NRXN1: variants seen among roughly 807,000 people sequenced by gnomAD.
NRXN1 encodes the protein neurexin 1, also known as neurexin-1.
Under a neutral mutation model 150.9 loss-of-function variants are expected in NRXN1, and 39 were observed. The ratio of observed to expected loss-of-function variants is 0.26; its 90% CI spans 0.20 to 0.34. The LOEUF is 0.34. Among genes scored for constraint, NRXN1 ranks in the 10% least tolerant of loss-of-function variants. The pLI, the probability that NRXN1 is intolerant of heterozygous loss-of-function variation, is 1.00. For synonymous variants in NRXN1, 924 were observed against 757.0 expected, an observed-to-expected ratio of 1.22 and a Z score of -3.62; for missense variants, 1,815 against 1,949.9, an observed-to-expected ratio of 0.93 and a Z score of 1.30.
chr2:50,140,740 G>T (rs908564716), intron 18 of NRXN1, among the ~76,000 whole-genome samples: 2 of 151,526 alleles, frequency 1.3e-5, no homozygotes, highest in African/African-American at 4.8e-5. Flanking sequence ...TTGGCAACCA[G>T]TTTCGAATAT....
At chr2:49,963,554 G>T (rs562363941) in intron 21 of NRXN1, among the ~76,000 whole-genome samples, 182 of 152,244 alleles carry the variant, frequency 1.2e-3, no homozygotes, top group Non-Finnish European at 2.1e-3. Context: ...AATGAATCAC[G>T]CAATGAGATG....
chr2:50,407,951 T>G (rs1007129900), intron 17 of NRXN1, among the ~76,000 whole-genome samples: 6 of 152,216 alleles, frequency 3.9e-5, no homozygotes, highest in Non-Finnish European at 8.8e-5. Context: ...ACTCATACTA[T>G]TTTAACATCT....
At chr2:50,700,126 C>T (rs1693525805) in intron 5 of NRXN1, among the ~76,000 whole-genome samples, 1 of 152,118 alleles carries the variant, frequency 6.6e-6, no homozygotes, top group Non-Finnish European at 1.5e-5. Context: ...GCAAGGTTTC[C>T]GTATGACACT....
intron 21 of NRXN1, among the ~76,000 whole-genome samples, chr2:49,947,428 C>T (rs1017792984): frequency 1.3e-5 from 2 of 151,598 alleles, no homozygotes; most frequent in African/African-American, 4.8e-5. Flanking sequence ...AGGTCTGCTA[C>T]TATCATTGTC....
At chr2:51,026,611 T>A (rs1670514885) in intron 2 of NRXN1, 1 of 642,228 alleles carries the variant, frequency 1.6e-6, no homozygotes, top group Admixed American at 2.9e-5. Context: ...AGAAAATCTC[T>A]TGCAATCCCT....
intron 17 of NRXN1, among the ~76,000 whole-genome samples, chr2:50,314,455 CAA>C (rs951844731): frequency 2.0e-4 from 31 of 152,062 alleles, no homozygotes; most frequent in African/African-American, 6.5e-4. Flanking sequence ...ACAATTAAAA[CAA>C]AGAGTTTCCT....
Position 50,332,163 on chromosome 2 carries a change from G to A in NRXN1, c.3365-95193C>T, listed in dbSNP as rs547203207. On this transcript the variant is annotated intron_variant, in intron 17 of 22. Transcript: ENST00000401669. ...CACAGGCAATGGAAGGAATATTTAG[G>A]TGTTGCAGGCAATTTATTATAGCTT... Among the ~76,000 whole-genome samples, 5 of 152,260 alleles carry A rather than the reference G, an allele frequency of 3.3e-5. No homozygotes were observed. In the East Asian group the frequency reaches 7.7e-4, roughly 24 times the overall value.
Position 50,016,607 on chromosome 2 carries a change from G to C in NRXN1, c.4128+36664C>G, listed in dbSNP as rs1477006050. ...GAAGAGAGAAATTAGTGCCCGCAGG[G>C]GAAATGCCAGATGCTTATAAAACCA... On this transcript the variant is annotated intron_variant, in intron 21 of 22. Transcript: ENST00000401669. The C allele has an allele frequency of 3.9e-5, 6 of 152,006 alleles. No homozygotes were observed. In the South Asian group the frequency reaches 6.2e-4, roughly 16 times the overall value. The allele number at this position is 152,006 out of a possible 1,614,324, so 9.4% of individuals were successfully genotyped here. A position where few individuals can be genotyped will look rare whatever the true frequency, so the allele number is the denominator to read the frequency against.
chr2:50,568,109 C>A (rs1009731713), intron 8 of NRXN1, among the ~76,000 whole-genome samples: 1 of 152,004 alleles, frequency 6.6e-6, no homozygotes, highest in Non-Finnish European at 1.5e-5. Flanking sequence ...AGAAACAAAC[C>A]AAGCCTCTCA....
chr2:50,819,950 C>T (rs1218937441), intron 5 of NRXN1, among the ~76,000 whole-genome samples: 1 of 152,022 alleles, frequency 6.6e-6, no homozygotes, highest in South Asian at 2.1e-4. Context: ...TGGTACGCAC[C>T]AGCACCACTC....
At chr2:50,070,336 A>C (rs2152665960) in intron 19 of NRXN1, among the ~76,000 whole-genome samples, 1 of 152,330 alleles carries the variant, frequency 6.6e-6, no homozygotes, top group Non-Finnish European at 1.5e-5. Context: ...CTTTTTGTCC[A>C]AAGTGTATCA....
chr2:50,256,962 T>A (rs1053310844), intron 17 of NRXN1, among the ~76,000 whole-genome samples: 2 of 152,060 alleles, frequency 1.3e-5, no homozygotes, highest in African/African-American at 4.8e-5. Context: ...GAAAAAAGAA[T>A]CTTATACTGT....
intron 17 of NRXN1, among the ~76,000 whole-genome samples, chr2:50,306,577 G>A (rs76150732): frequency 0.086 from 13,142 of 152,238 alleles, 664 homozygotes; most frequent in Middle Eastern, 0.14. Flanking sequence ...GATTTGTTCT[G>A]TCAATGCAGA....
chr2:49,943,503 C>T (rs1327603274), intron 22 of NRXN1, among the ~76,000 whole-genome samples: 1 of 152,156 alleles, frequency 6.6e-6, no homozygotes, highest in East Asian at 1.9e-4. Flanking sequence ...TTCTGAAATA[C>T]ATAATCTTGG....
At chr2:49,922,908 G>A (rs755897558) in intron 22 of NRXN1, among the ~76,000 whole-genome samples, 1 of 152,154 alleles carries the variant, frequency 6.6e-6, no homozygotes, top group Non-Finnish European at 1.5e-5. Flanking sequence ...CTCCCAAGAT[G>A]AACTTTGGAG....
chr2:50,362,878 G>A (rs948547563), intron 17 of NRXN1, among the ~76,000 whole-genome samples: 15 of 152,110 alleles, frequency 9.9e-5, no homozygotes, highest in African/African-American at 3.6e-4. Flanking sequence ...GCATGGTACT[G>A]GTACCAAAAC....
At chr2:50,377,788 A>T (rs1018609883) in intron 17 of NRXN1, among the ~76,000 whole-genome samples, 1 of 152,172 alleles carries the variant, frequency 6.6e-6, no homozygotes, top group Non-Finnish European at 1.5e-5. Flanking sequence ...AAAGTCATCC[A>T]CATTTTAGAA....
chr2:50,850,442 G>C (rs1024436436), intron 5 of NRXN1, among the ~76,000 whole-genome samples: 4 of 152,036 alleles, frequency 2.6e-5, no homozygotes, highest in Non-Finnish European at 4.4e-5. Flanking sequence ...GGATAAGTCA[G>C]CCTGTGGTAG....
At chr2:50,510,452 C>T (rs1302430680) in intron 12 of NRXN1, among the ~76,000 whole-genome samples, 1 of 125,506 alleles carries the variant, frequency 8.0e-6, no homozygotes, top group East Asian at 2.5e-4. Flanking sequence ...CGCCATTGCA[C>T]TCCAGCCTGG....
Sources: gnomAD v4.1 joint callset for allele counts (sites outside exome capture counted in the v4.1 genomes callset) on GRCh38, gnomAD v4.1.1 for gene constraint, MANE v1.5 for transcripts, NCBI Gene and HGNC (gene_info 2026-07-23, HGNC 2026-07-21) for gene names.